The following KLHL32 variants were observed in gnomAD, a reference collection of about 807,000 sequenced individuals.
KLHL32 encodes kelch-like protein 32.
In KLHL32, 35 loss-of-function variants were observed where a neutral mutation model predicts 64.8. The observed-to-expected ratio is 0.54, with a 90% CI of 0.41 to 0.72. The LOEUF is 0.72. Ranked by LOEUF, KLHL32 falls within the 30% of genes least tolerant of loss-of-function variation. KLHL32 has a pLI of 0.00. For synonymous variants in KLHL32, 259 were observed against 281.0 expected, an observed-to-expected ratio of 0.92 and a Z score of 0.78; for missense variants, 589 against 768.5, an observed-to-expected ratio of 0.77 and a Z score of 2.76.
intron 3 of KLHL32, among the ~76,000 whole-genome samples, chr6:96,979,168 G>T (rs1385971810): frequency 6.6e-6 from 1 of 151,940 alleles, no homozygotes; most frequent in Non-Finnish European, 1.5e-5. Flanking sequence ...GTCAATTTTT[G>T]GTTTTGTTGG....
chr6:97,112,217 C>T (rs575406729), intron 6 of KLHL32, among the ~76,000 whole-genome samples: 1 of 152,132 alleles, frequency 6.6e-6, no homozygotes, highest in Non-Finnish European at 1.5e-5. Flanking sequence ...TATTCTATTT[C>T]TTTGCTTCAT....
the KLHL32 span, among the ~76,000 whole-genome samples, chr6:96,915,907 A>G: frequency 6.6e-6 from 1 of 152,082 alleles, no homozygotes; most frequent in South Asian, 2.1e-4. Context: ...ATTTGCCTTT[A>G]TAAAGGTGCT....
chr6:97,068,248 C>A (rs796881126), intron 5 of KLHL32, among the ~76,000 whole-genome samples: 29 of 152,218 alleles, frequency 1.9e-4, no homozygotes, highest in African/African-American at 6.5e-4. Context: ...AACAACCATT[C>A]TTTATGTGCA....
chr6:96,995,188 T>C (rs1778283656), intron 3 of KLHL32, among the ~76,000 whole-genome samples: 1 of 152,202 alleles, frequency 6.6e-6, no homozygotes, highest in South Asian at 2.1e-4. Context: ...ACTCAATAAA[T>C]GTGAGCTGTT....
intron 1 of KLHL32, among the ~76,000 whole-genome samples, chr6:96,937,862 C>A (rs1770804005): frequency 6.6e-6 from 1 of 152,156 alleles, no homozygotes; most frequent in African/African-American, 2.4e-5. Context: ...TGTCACTCTT[C>A]TTTCTAAAAA....
At chr6:97,101,443 C>T (rs576796049) in intron 6 of KLHL32, among the ~76,000 whole-genome samples, 5 of 152,236 alleles carry the variant, frequency 3.3e-5, no homozygotes, top group African/African-American at 7.2e-5. Flanking sequence ...CAAATGAGAA[C>T]GTTGATATAC....
chr6:97,018,934 A>AT (rs1231299753), intron 3 of KLHL32, among the ~76,000 whole-genome samples: 2 of 152,190 alleles, frequency 1.3e-5, no homozygotes, highest in East Asian at 1.9e-4. Flanking sequence ...GATCATATAG[A>AT]TTTTTTTAAA....
the KLHL32 span, among the ~76,000 whole-genome samples, chr6:96,918,847 A>T: frequency 6.6e-6 from 1 of 152,240 alleles, no homozygotes; most frequent in African/African-American, 2.4e-5. Context: ...AGGATATAGT[A>T]AAAGAAAATA....
intron 4 of KLHL32, among the ~76,000 whole-genome samples, chr6:97,055,655 A>G (rs552450045): frequency 6.6e-6 from 1 of 152,030 alleles, no homozygotes; most frequent in South Asian, 2.1e-4. Flanking sequence ...AAAATTAACC[A>G]GGTGTGGTGA....
At chr6:96,960,077 T>A (rs1412206868) in intron 1 of KLHL32, among the ~76,000 whole-genome samples, 1 of 152,210 alleles carries the variant, frequency 6.6e-6, no homozygotes, top group Non-Finnish European at 1.5e-5. Flanking sequence ...TGCCTTATTA[T>A]CCAGATCCAT....
At chr6:96,940,225 G>A (rs1274634105) in intron 1 of KLHL32, among the ~76,000 whole-genome samples, 2 of 152,130 alleles carry the variant, frequency 1.3e-5, no homozygotes, top group Admixed American at 1.3e-4. Flanking sequence ...GTGTTTGGAG[G>A]TCATAGAAAA....
At chr6:96,977,533 T>G (rs1775841027) in intron 3 of KLHL32, among the ~76,000 whole-genome samples, 1 of 149,174 alleles carries the variant, frequency 6.7e-6, no homozygotes, top group Non-Finnish European at 1.5e-5. Context: ...GGTATGAATC[T>G]CCATATAAAT....
At chr6:97,096,051 T>C (rs1794938819) in intron 6 of KLHL32, among the ~76,000 whole-genome samples, 1 of 152,148 alleles carries the variant, frequency 6.6e-6, no homozygotes, top group Non-Finnish European at 1.5e-5. Context: ...TTGCTAAATA[T>C]TGCACGGAAA....
At chr6:96,899,794 C>T in the KLHL32 span, among the ~76,000 whole-genome samples, 1 of 152,176 alleles carries the variant, frequency 6.6e-6, no homozygotes, top group African/African-American at 2.4e-5. Context: ...CTTAAGAACT[C>T]CTGTTGGGCT....
upstream of KLHL32, among the ~76,000 whole-genome samples, chr6:96,920,678 T>A (rs1768724179): frequency 6.6e-6 from 1 of 152,172 alleles, no homozygotes; most frequent in Non-Finnish European, 1.5e-5. Flanking sequence ...CTTAGTGATA[T>A]AGCTTTGATA....
At chr6:97,058,761 G>A (rs1788413006) in intron 4 of KLHL32, among the ~76,000 whole-genome samples, 1 of 152,188 alleles carries the variant, frequency 6.6e-6, no homozygotes, top group Admixed American at 6.5e-5. Context: ...TGGTGGTATG[G>A]CAGCCAATTT....
chr6:96,921,795 A>T (rs1768762876), upstream of KLHL32, among the ~76,000 whole-genome samples: 1 of 152,178 alleles, frequency 6.6e-6, no homozygotes, highest in African/African-American at 2.4e-5. Flanking sequence ...AGCTGTTAGA[A>T]TACAGACTTT....
chr6:97,082,146 G>C (rs1469153018), intron 5 of KLHL32, among the ~76,000 whole-genome samples: 1 of 152,150 alleles, frequency 6.6e-6, no homozygotes, highest in African/African-American at 2.4e-5. Flanking sequence ...AAGTCCAGAC[G>C]GGATGATAAG....
At chr6:97,100,642 G>A (rs1795581705) in intron 6 of KLHL32, among the ~76,000 whole-genome samples, 1 of 152,114 alleles carries the variant, frequency 6.6e-6, no homozygotes, top group South Asian at 2.1e-4. Context: ...ACTCATCATA[G>A]TACCACTTGT....
Sources: allele counts gnomAD v4.1 joint callset (sites outside exome capture counted in the v4.1 genomes callset), GRCh38; gene constraint gnomAD v4.1.1; transcripts MANE v1.5; gene names NCBI Gene and HGNC (gene_info 2026-07-23, HGNC 2026-07-21).